Variants in PDZRN4 observed in about 807,000 individuals in gnomAD.
PDZRN4 encodes the protein PDZ domain-containing RING finger protein 4.
In PDZRN4, 70 loss-of-function variants were observed where a neutral mutation model predicts 99.0. The ratio of observed to expected loss-of-function variants is 0.71; its 90% CI spans 0.58 to 0.86. The LOEUF is 0.86. Among genes scored for constraint, PDZRN4 ranks in the 40% least tolerant of loss-of-function variants. PDZRN4 has a pLI of 0.00. For missense variants in PDZRN4, 1,474 were observed against 1,331.2 expected, an observed-to-expected ratio of 1.11 and a Z score of -1.67; for synonymous variants, 551 against 501.6, an observed-to-expected ratio of 1.10 and a Z score of -1.32.
At chr12:41,535,323 T>C (rs768991751) in intron 5 of PDZRN4, among the ~76,000 whole-genome samples, 5 of 152,362 alleles carry the variant, frequency 3.3e-5, no homozygotes, top group Non-Finnish European at 7.3e-5. Context: ...GGTTTCTGGT[T>C]ACAAAGTGTG....
At chr12:41,459,893 T>C in intron 3 of PDZRN4, 2 of 1,215,742 alleles carry the variant, frequency 1.6e-6, no homozygotes, top group South Asian at 2.9e-5. Flanking sequence ...TGAAAACTTC[T>C]AGAACAATTA....
chr12:41,514,504 GA>G (rs200711564), intron 5 of PDZRN4, among the ~76,000 whole-genome samples: 2 of 149,564 alleles, frequency 1.3e-5, no homozygotes, highest in Non-Finnish European at 3.0e-5. Flanking sequence ...AGCCAGTGTT[GA>G]AAAAAAAACA....
At chr12:41,413,914 G>T (rs576806418) in intron 3 of PDZRN4, among the ~76,000 whole-genome samples, 7 of 152,168 alleles carry the variant, frequency 4.6e-5, no homozygotes, top group Non-Finnish European at 8.8e-5. Flanking sequence ...GAATCTGTGG[G>T]CTATGTACTT....
At chr12:41,250,389 AAT>A (rs1198987625) in intron 3 of PDZRN4, among the ~76,000 whole-genome samples, 2 of 152,190 alleles carry the variant, frequency 1.3e-5, no homozygotes, top group African/African-American at 4.8e-5. Context: ...GCTTTCTTTT[AAT>A]ATGAGGGAAC....
In PDZRN4 at chr12:41,552,714, G is replaced by A. The variant is rs140551427; in HGVS notation, c.1262G>A (p.Arg421Gln). ...AAGCTGGGCCTGACAGTCTGTTACC[G>A]AACAGATGATGAAGAAGACACCGGC... ...QEKLGLTVCY[R>Q]TDDEEDTGIY... Residue 421 changes from arginine to glutamine, a missense_variant, in exon 6 of 10, where the codon CGA becomes CAA. By Grantham distance (43) the Arg-to-Gln change is conservative (BLOSUM62 1). Coordinates refer to ENST00000402685, the MANE Select transcript of PDZRN4 (RefSeq NM_001164595.2). 6.9e-5 allele frequency: 112 copies of A among 1,613,628 alleles called. 1 individual carries two copies. In the African/African-American group the frequency reaches 1.1e-3, roughly 15 times the overall value.
intron 3 of PDZRN4, among the ~76,000 whole-genome samples, chr12:41,380,436 A>C (rs1290496091): frequency 6.6e-6 from 1 of 151,710 alleles, no homozygotes; most frequent in African/African-American, 2.4e-5. Flanking sequence ...TTTGTCTTCT[A>C]TTGTGACTTG....
chr12:41,490,755 G>GA (rs1937869322), intron 3 of PDZRN4, among the ~76,000 whole-genome samples: 1 of 151,928 alleles, frequency 6.6e-6, no homozygotes, highest in African/African-American at 2.4e-5. Context: ...TTAGAGAGGG[G>GA]ATCTCACTTT....
intron 3 of PDZRN4, among the ~76,000 whole-genome samples, chr12:41,446,529 T>G (rs974085700): frequency 7.9e-5 from 3 of 37,804 alleles, no homozygotes; most frequent in African/African-American, 1.8e-4. Flanking sequence ...TTAGATGGTT[T>G]TTTTTTTTAG....
In PDZRN4 at chr12:41,573,856, T is replaced by A. The variant is rs1265638304; in HGVS notation, c.3077T>A (p.Val1026Asp). 6.3e-7 allele frequency: 1 copy of A among 1,585,288 alleles called. No individual in the cohort carries two copies. Among genetic ancestry groups the A allele is most frequent in the Non-Finnish European group, 8.6e-7 (1 of 1,168,884 alleles). ...GCCAAGTCTCCAGATGGCACGAGAG[T>A]CCATAATGCCTTCTTGTCGGTGACC... ...HGAKSPDGTR[V>D]HNAFLSVTTV Residue 1026 changes from valine to aspartate, a missense_variant, in exon 10 of 10, where the codon GTC becomes GAC. Physicochemically the swap from Val to Asp is radical, Grantham distance 152. Transcript: ENST00000402685.
chr12:41,351,951 T>G (rs144538473), intron 3 of PDZRN4, among the ~76,000 whole-genome samples: 499 of 132,998 alleles, frequency 3.8e-3, no homozygotes, highest in Non-Finnish European at 6.3e-3. Context: ...GTGAGATCAG[T>G]CTGGGCAACA....
intron 3 of PDZRN4, among the ~76,000 whole-genome samples, chr12:41,442,457 C>T (rs563532894): frequency 1.6e-4 from 24 of 152,126 alleles, no homozygotes; most frequent in Non-Finnish European, 2.5e-4. Context: ...GAATTATAAG[C>T]ATCTGGAGGG....
intron 3 of PDZRN4, among the ~76,000 whole-genome samples, chr12:41,487,351 T>C (rs1937797488): frequency 6.6e-6 from 1 of 152,160 alleles, no homozygotes; most frequent in Admixed American, 6.5e-5. Flanking sequence ...CCATTTTAAT[T>C]AGCATTCCCA....
intron 3 of PDZRN4, among the ~76,000 whole-genome samples, chr12:41,259,344 C>T (rs779898690): frequency 2.6e-5 from 4 of 151,896 alleles, no homozygotes; most frequent in African/African-American, 9.7e-5. Context: ...AGAAAGAAAC[C>T]GTTCATATTA....
intron 8 of PDZRN4, among the ~76,000 whole-genome samples, chr12:41,565,796 C>A (rs550593111): frequency 6.6e-6 from 1 of 152,112 alleles, no homozygotes; most frequent in Non-Finnish European, 1.5e-5. Context: ...GACACTGGGG[C>A]AGAGAGGATT....
At position 41,471,451 on chromosome 12, in the gene PDZRN4, G is replaced by A. The variant is rs1223583004; in HGVS notation, c.844-35005G>A. On this transcript the variant is annotated intron_variant, in intron 3 of 9. Coordinates refer to ENST00000402685, the MANE Select transcript of PDZRN4 (RefSeq NM_001164595.2). ...TTAAAAGGATTTATTCTTTACTTTG[G>A]CAGAGAGGATGATTCTATCTATTGG... Among the ~76,000 whole-genome samples, 4 of 151,614 alleles carry A rather than the reference G, an allele frequency of 2.6e-5. No homozygotes were observed. The East Asian group carries it at 7.8e-4, about 29-fold the overall frequency.
intron 3 of PDZRN4, among the ~76,000 whole-genome samples, chr12:41,312,103 A>G (rs925900051): frequency 2.6e-5 from 4 of 152,146 alleles, no homozygotes; most frequent in Non-Finnish European, 5.9e-5. Context: ...CCCAAATACT[A>G]AAACTTAAAT....
intron 3 of PDZRN4, among the ~76,000 whole-genome samples, chr12:41,296,389 C>T (rs1951494298): frequency 6.6e-6 from 1 of 152,110 alleles, no homozygotes; most frequent in Admixed American, 6.6e-5. Context: ...GGGGGCTGCT[C>T]AAGGCATTTG....
At chr12:41,444,491 C>T (rs1434995284) in intron 3 of PDZRN4, among the ~76,000 whole-genome samples, 2 of 152,126 alleles carry the variant, frequency 1.3e-5, no homozygotes, top group Non-Finnish European at 2.9e-5. Flanking sequence ...ATCTTGCACA[C>T]TACATTATAA....
At chr12:41,419,760 G>A (rs1952474640) in intron 3 of PDZRN4, among the ~76,000 whole-genome samples, 1 of 152,136 alleles carries the variant, frequency 6.6e-6, no homozygotes, top group Admixed American at 6.5e-5. Flanking sequence ...GTCTATATCG[G>A]TTCAAATTGT....
Sources: gnomAD v4.1 joint callset for allele counts (sites outside exome capture counted in the v4.1 genomes callset) on GRCh38, gnomAD v4.1.1 for gene constraint, MANE v1.5 for transcripts, NCBI Gene and HGNC (gene_info 2026-07-23, HGNC 2026-07-21) for gene names.